DAO: variants seen among roughly 807,000 people sequenced by gnomAD.
DAO encodes the protein D-amino acid oxidase, also known as D-amino-acid oxidase.
Under a neutral mutation model 50.1 loss-of-function variants are expected in DAO, and 51 were observed. The ratio of observed to expected loss-of-function variants is 1.02; its 90% confidence interval spans 0.81 to 1.29. The LOEUF is 1.29. DAO is among the 50% of genes most tolerant of loss of function. The pLI is 0.00. For synonymous variants in DAO, 160 were observed against 166.2 expected, an observed-to-expected ratio of 0.96 and a Z score of 0.29; for missense variants, 436 against 439.4, an observed-to-expected ratio of 0.99 and a Z score of 0.07.
chr12:108,884,793 G>A (rs778518278), intron 1 of DAO, among the ~76,000 whole-genome samples: 24 of 152,018 alleles, frequency 1.6e-4, no homozygotes, highest in Non-Finnish European at 3.5e-4. Flanking sequence ...GCCAAGTCTC[G>A]GTCACTTCTC....
At chr12:108,886,170 G>A (rs2039434212) in intron 2 of DAO, among the ~76,000 whole-genome samples, 1 of 151,370 alleles carries the variant, frequency 6.6e-6, no homozygotes. Flanking sequence ...TTACAGGCAT[G>A]AGCCATCATG....
chr12:108,895,729 G>A (rs1037264507), intron 7 of DAO, among the ~76,000 whole-genome samples: 2 of 143,286 alleles, frequency 1.4e-5, no homozygotes, highest in South Asian at 2.2e-4. Flanking sequence ...GTGGATGCAT[G>A]TGAGGGTGTG....
At chr12:108,889,307 ACCATGTTGG>A (rs1430731889) in intron 3 of DAO, among the ~76,000 whole-genome samples, 153 bp from the exon 4 acceptor site, 1 of 152,058 alleles carries the variant, frequency 6.6e-6, no homozygotes, top group African/African-American at 2.4e-5. Context: ...ACAGGGTTTC[ACCATGTTGG>A]CCAGACTGGT....
intron 1 of DAO, among the ~76,000 whole-genome samples, chr12:108,884,235 T>C (rs1471330730): frequency 6.6e-6 from 1 of 152,240 alleles, no homozygotes; most frequent in Non-Finnish European, 1.5e-5. Flanking sequence ...ACATGGTAGG[T>C]GTGCATTAAG....
At position 108,887,583 on chromosome 12, in the gene DAO, A is replaced by T. The variant is rs1419568758; in HGVS notation, c.309+19A>T. ...CATTCCGGTGGGTGAACAGTTCTTG[A>T]CCATGAGGGATGAGCACCCAGGGCT... On this transcript the variant is annotated intron_variant, in intron 3 of 10. Transcript: ENST00000228476. 1 of 1,571,448 alleles carries T rather than the reference A, an allele frequency of 6.4e-7. No individual in the cohort carries two copies. The highest frequency in any genetic ancestry group is 1.7e-5 in the Admixed American group (1 of 59,960).
intron 5 of DAO, among the ~76,000 whole-genome samples, chr12:108,892,340 G>A (rs1388552364): frequency 6.6e-6 from 1 of 150,456 alleles, no homozygotes; most frequent in Non-Finnish European, 1.5e-5. Flanking sequence ...TTTTTTTTTT[G>A]TATTGTTAGT....
At chr12:108,891,279 T>C (rs993486142) in intron 5 of DAO, among the ~76,000 whole-genome samples, 5 of 151,920 alleles carry the variant, frequency 3.3e-5, no homozygotes, top group Non-Finnish European at 7.4e-5. Flanking sequence ...CAAAACCCTG[T>C]CTCTACAGAA....
intron 10 of DAO, chr12:108,899,800 G>A: frequency 4.9e-6 from 2 of 406,538 alleles, no homozygotes; most frequent in Non-Finnish European, 9.3e-6. Context: ...TAGTACCACA[G>A]CAGAGGTGAC....
intron 7 of DAO, among the ~76,000 whole-genome samples, chr12:108,895,799 A>G (rs9668327): frequency 0.4 from 60,132 of 150,926 alleles, 14,638 homozygotes; most frequent in African/African-American, 0.66. Context: ...GCACCTGTGA[A>G]TGTTCATAGG....
In DAO at chr12:108,890,915, T is replaced by C. The variant is rs569307437; in HGVS notation, c.452+642T>C. On this transcript the variant is annotated intron_variant, in intron 5 of 10. Transcript: ENST00000228476. ...CTCACTGCAAGCTCTGCCTCCTGGG[T>C]TCATGTCATTCTCCTGCCTCAGCCT... Among the ~76,000 whole-genome samples, 316 of 152,186 alleles carry C rather than the reference T, an allele frequency of 2.1e-3. 2 individuals are homozygous for C. Among genetic ancestry groups the C allele is most frequent in the African/African-American group, 6.9e-3 (287 of 41,530 alleles).
intron 5 of DAO, among the ~76,000 whole-genome samples, chr12:108,891,543 C>A (rs1194644337): frequency 6.6e-6 from 1 of 151,658 alleles, no homozygotes; most frequent in Non-Finnish European, 1.5e-5. Context: ...ATTTTAGGAC[C>A]CCACTCTATA....
intron 4 of DAO, among the ~76,000 whole-genome samples, 192 bp downstream of exon 4, chr12:108,889,737 G>T (rs2039470316): frequency 6.6e-6 from 1 of 152,074 alleles, no homozygotes; most frequent in Non-Finnish European, 1.5e-5. Flanking sequence ...GGAAGGTAGG[G>T]GGTATGAAAT....
At chr12:108,898,411 T>G in intron 8 of DAO, 3 of 457,546 alleles carry the variant, frequency 6.6e-6, no homozygotes, top group East Asian at 4.4e-5. Flanking sequence ...TCAATGGCAA[T>G]GTTAGTGGTG....
chr12:108,896,746 A>G (rs2039565080), intron 7 of DAO, among the ~76,000 whole-genome samples: 1 of 152,182 alleles, frequency 6.6e-6, no homozygotes, highest in Non-Finnish European at 1.5e-5. Flanking sequence ...GTATGCATTT[A>G]CATGTGTGTA....
chr12:108,888,029 G>A (rs2039453478), intron 3 of DAO, among the ~76,000 whole-genome samples: 1 of 152,214 alleles, frequency 6.6e-6, no homozygotes, highest in African/African-American at 2.4e-5. Flanking sequence ...TAACCGGGAG[G>A]TAAGGGCTGT....
At chr12:108,897,873 G>A (rs1300925551) in intron 8 of DAO, among the ~76,000 whole-genome samples, 3 of 151,916 alleles carry the variant, frequency 2.0e-5, no homozygotes, top group Non-Finnish European at 2.9e-5. Flanking sequence ...CTTGAACCTG[G>A]GAGGTTGAGG....
At chr12:108,888,014 C>G (rs577701213) in intron 3 of DAO, among the ~76,000 whole-genome samples, 2 of 152,360 alleles carry the variant, frequency 1.3e-5, no homozygotes, top group East Asian at 1.9e-4. Context: ...ATTTAATTCT[C>G]TTTATAACCG....
At chr12:108,882,775 T>C (rs2039394582) in intron 1 of DAO, among the ~76,000 whole-genome samples, 1 of 152,172 alleles carries the variant, frequency 6.6e-6, no homozygotes, top group African/African-American at 2.4e-5. Context: ...GGCCATACTG[T>C]CTCTTAGATT....
In DAO at chr12:108,885,912, G is replaced by A. The variant is rs545498646; in HGVS notation, c.194+712G>A. ...TGGGATTACAGGCATCTGCCACCAC[G>A]CCTGGCTAATTTTTGTATTTTTAGT... On this transcript the variant is annotated intron_variant, in intron 2 of 10. Coordinates refer to ENST00000228476, the MANE Select transcript of DAO (RefSeq NM_001917.5). 7.4e-4 allele frequency among the ~76,000 whole-genome samples: 113 copies of A among 152,150 alleles called. 1 individual carries two copies. The highest frequency in any genetic ancestry group is 3.7e-3 in the South Asian group (18 of 4,806).
Sources: gnomAD v4.1 joint callset for allele counts (sites outside exome capture counted in the v4.1 genomes callset) on GRCh38, gnomAD v4.1.1 for gene constraint, MANE v1.5 for transcripts, NCBI Gene and HGNC (gene_info 2026-07-23, HGNC 2026-07-21) for gene names.